Variants in WDFY2 observed in about 807,000 individuals in gnomAD.
WDFY2 encodes WD repeat and FYVE domain-containing protein 2.
In WDFY2, 36 loss-of-function variants were observed where a neutral mutation model predicts 56.4. The observed-to-expected ratio is 0.64, with a 90% CI of 0.49 to 0.84. WDFY2 has a LOEUF of 0.84. Ranked by LOEUF, WDFY2 falls within the 40% of genes least tolerant of loss-of-function variation. WDFY2 has a pLI of 0.00. For missense variants in WDFY2, 444 were observed against 512.2 expected, an observed-to-expected ratio of 0.87 and a Z score of 1.29; for synonymous variants, 176 against 183.7, an observed-to-expected ratio of 0.96 and a Z score of 0.34.
intron 2 of WDFY2, among the ~76,000 whole-genome samples, chr13:51,667,879 CTTTTT>C (rs66771214): frequency 6.0e-5 from 3 of 50,046 alleles, no homozygotes; most frequent in African/African-American, 3.0e-4. Flanking sequence ...TGAGGAACTT[CTTTTT>C]TTTTTTTTTT....
intron 1 of WDFY2, among the ~76,000 whole-genome samples, chr13:51,657,801 C>A (rs867998353): frequency 6.6e-6 from 1 of 151,968 alleles, no homozygotes; most frequent in African/African-American, 2.4e-5. Context: ...TCTTTGATTC[C>A]CTTTTGAAAT....
chr13:51,674,188 A>C (rs1955849838), intron 2 of WDFY2, among the ~76,000 whole-genome samples: 1 of 152,210 alleles, frequency 6.6e-6, no homozygotes, highest in South Asian at 2.1e-4. Context: ...AGGAATAAAA[A>C]ATATTTGATG....
At chr13:51,607,540 G>GC (rs1187872807) in intron 1 of WDFY2, among the ~76,000 whole-genome samples, 1 of 147,838 alleles carries the variant, frequency 6.8e-6, no homozygotes. Context: ...AAAGTTGAGT[G>GC]TTTTTTTTTT....
Position 51,764,589 on chromosome 13 carries a change from T to G in WDFY2, c.*4820T>G, listed in dbSNP as rs541049002. ...GTCACTATCAGATGCTGCTGCTCCC[T>G]GGCCTCAGAGGAAAGCAGCACACAG... is the stretch of plus-strand genomic sequence containing the variant. On this transcript the variant is annotated 3_prime_UTR_variant, in exon 12 of 12. Coordinates refer to ENST00000298125, the MANE Select transcript of WDFY2 (RefSeq NM_052950.4). 6.6e-6 allele frequency: 1 copy of G among 152,504 alleles called. No individual in the cohort carries two copies. The highest frequency in any genetic ancestry group is 2.4e-5 in the African/African-American group (1 of 41,576). 9.4% of individuals were successfully genotyped at this position (152,504 alleles called of 1,614,324 possible).
At chr13:51,590,561 G>A (rs1156275471) in intron 1 of WDFY2, 1 of 152,144 alleles carries the variant, frequency 6.6e-6, no homozygotes, top group African/African-American at 2.4e-5. Context: ...ACTACTGCAG[G>A]TGGTGATTTG....
At chr13:51,679,568 ATGGATTTATTGT>A in intron 3 of WDFY2, among the ~76,000 whole-genome samples, 1 of 152,242 alleles carries the variant, frequency 6.6e-6, no homozygotes, top group East Asian at 1.9e-4. Context: ...TTGACTGTGT[ATGGATTTATTGT>A]TGTTTTGGTA....
intron 1 of WDFY2, among the ~76,000 whole-genome samples, chr13:51,634,025 C>T (rs1224219176): frequency 6.6e-6 from 1 of 152,062 alleles, no homozygotes; most frequent in East Asian, 1.9e-4. Flanking sequence ...ATTCTGGCTC[C>T]TTTGATTAAT....
chr13:51,696,504 G>T (rs113750989), intron 3 of WDFY2, among the ~76,000 whole-genome samples: 3 of 152,100 alleles, frequency 2.0e-5, no homozygotes, highest in African/African-American at 7.2e-5. Context: ...AATAAAACAG[G>T]GTTGGAGAAC....
rs549835461 is a variant in WDFY2 at position 51,605,271 on chromosome 13, A to T, written c.137+20447A>T. The stretch of plus-strand genomic sequence containing the variant: ...GGGCAATGGAGTCAGACCTGGGTTC[A>T]GTGTCACCACTTTCTAGCTGTAACT... On this transcript the variant is annotated intron_variant, in intron 1 of 11. Coordinates refer to ENST00000298125, the MANE Select transcript of WDFY2 (RefSeq NM_052950.4). Among the ~76,000 whole-genome samples the T allele has an allele frequency of 3.9e-5, 6 of 152,344 alleles. No individual in the cohort carries two copies. In the South Asian group the frequency reaches 1.2e-3, roughly 32 times the overall value.
intron 2 of WDFY2, among the ~76,000 whole-genome samples, chr13:51,662,674 A>G (rs1458025310): frequency 6.6e-6 from 1 of 152,210 alleles, no homozygotes; most frequent in Non-Finnish European, 1.5e-5. Context: ...ATATGCAAGA[A>G]TGACTTAAGC....
At chr13:51,743,573 G>A (rs1339021175) in intron 7 of WDFY2, among the ~76,000 whole-genome samples, 1 of 152,132 alleles carries the variant, frequency 6.6e-6, no homozygotes, top group Non-Finnish European at 1.5e-5. Context: ...TCTGACTACT[G>A]TTTCTCTCTG....
chr13:51,714,884 C>T (rs188357300), intron 4 of WDFY2, among the ~76,000 whole-genome samples: 6 of 152,346 alleles, frequency 3.9e-5, no homozygotes, highest in Non-Finnish European at 5.9e-5. Context: ...AGGGTATAGC[C>T]TGTTGCTCCC....
chr13:51,736,273 T>G (rs1952833861), intron 6 of WDFY2, among the ~76,000 whole-genome samples: 1 of 152,160 alleles, frequency 6.6e-6, no homozygotes, highest in African/African-American at 2.4e-5. Flanking sequence ...TCATCCCTGT[T>G]TTACAGATGA....
chr13:51,727,939 A>G (rs1952640695), intron 6 of WDFY2, 149 bp downstream of exon 6: 3 of 671,872 alleles, frequency 4.5e-6, no homozygotes, highest in Non-Finnish European at 7.3e-6. Flanking sequence ...TCATTTCAAA[A>G]TGGTTCAGTA....
At position 51,735,137 on chromosome 13, in the gene WDFY2, C is replaced by A. The variant is rs561258404; in HGVS notation, c.599-3912C>A. On this transcript the variant is annotated intron_variant, in intron 6 of 11. Transcript: ENST00000298125. ...GAGGCCGTTTCCATCAGCAGCTCTC[C>A]CCACTGCATCTCTGATCCTGATGTC... 7.2e-4 allele frequency among the ~76,000 whole-genome samples: 109 copies of A among 152,288 alleles called. 1 individual carries two copies. The highest frequency in any genetic ancestry group is 1.4e-3 in the Non-Finnish European group (96 of 68,018).
chr13:51,649,364 G>A (rs1955323889), intron 1 of WDFY2, among the ~76,000 whole-genome samples: 1 of 151,840 alleles, frequency 6.6e-6, no homozygotes, highest in African/African-American at 2.4e-5. Flanking sequence ...CTGTTACTGC[G>A]AACCCAGGGC....
chr13:51,741,028 AC>A (rs1952960748), intron 7 of WDFY2, among the ~76,000 whole-genome samples: 1 of 152,238 alleles, frequency 6.6e-6, no homozygotes, highest in African/African-American at 2.4e-5. Context: ...TGGGAAACTT[AC>A]GCCTACAGTT....
chr13:51,688,699 C>T (rs1371455787), intron 3 of WDFY2, among the ~76,000 whole-genome samples: 1 of 152,154 alleles, frequency 6.6e-6, no homozygotes, highest in Non-Finnish European at 1.5e-5. Flanking sequence ...AGTAGAGAAA[C>T]AGTAATTGTC....
In WDFY2 at chr13:51,660,673, C is replaced by T; in HGVS notation, c.205+10C>T. ...TACCATGCAATGCCTTGTAAGTATC[C>T]AAATCGCTGTCTTGAAAAACCAGAC... On this transcript the variant is annotated intron_variant, in intron 2 of 11. Coordinates refer to ENST00000298125, the MANE Select transcript of WDFY2 (RefSeq NM_052950.4). The T allele has an allele frequency of 6.2e-7, 1 of 1,612,620 alleles. No homozygotes were observed. The highest frequency in any genetic ancestry group is 8.5e-7 in the Non-Finnish European group (1 of 1,179,090).
Sources: gnomAD v4.1 joint callset for allele counts (sites outside exome capture counted in the v4.1 genomes callset) on GRCh38, gnomAD v4.1.1 for gene constraint, MANE v1.5 for transcripts, NCBI Gene and HGNC (gene_info 2026-07-23, HGNC 2026-07-21) for gene names.